RAB5B: variants seen among roughly 807,000 people sequenced by gnomAD.
The protein encoded by RAB5B is ras-related protein Rab-5B.
A neutral mutation model predicts 28.6 loss-of-function variants in RAB5B; 11 were observed. The ratio of observed to expected loss-of-function variants is 0.38; its 90% CI spans 0.24 to 0.64. The LOEUF (loss-of-function observed/expected upper bound fraction) is 0.64. Among genes scored for constraint, RAB5B ranks in the 30% least tolerant of loss-of-function variants. RAB5B has a pLI of 0.53. For missense variants in RAB5B, 169 were observed against 265.6 expected (o/e 0.64, Z 2.53); for synonymous variants, 93 against 97.9 (o/e 0.95, Z 0.29).
In RAB5B at chr12:55,992,150, A is replaced by G. The variant is rs373383204; in HGVS notation, c.586A>G (p.Ser196Gly). 31 of 1,614,194 alleles carry G rather than the reference A, an allele frequency of 1.9e-5. No homozygotes were observed. The highest frequency in any genetic ancestry group is 2.6e-5 in the Non-Finnish European group (31 of 1,180,026). Residue 196 changes from serine (S) to glycine (G), a missense_variant, in exon 6 of 6, where the codon AGC becomes GGC. Coordinates refer to ENST00000360299, the MANE Select transcript of RAB5B (RefSeq NM_002868.4). The stretch of plus-strand genomic sequence containing the variant: ...GAATCTGGGAGGTGCAGCAGGCCGA[A>G]GCCGGGGTGTGGATCTCCATGAACA... ...PQNLGGAAGR[S>G]RGVDLHEQSQ...
intron 1 of RAB5B, among the ~76,000 whole-genome samples, chr12:55,980,064 T>C (rs1448528954): frequency 6.6e-6 from 1 of 152,154 alleles, no homozygotes. Flanking sequence ...GAGCTAGCCC[T>C]TTGCAGGACC....
At chr12:55,984,143 C>T (rs938996101) in intron 1 of RAB5B, among the ~76,000 whole-genome samples, 1 of 151,536 alleles carries the variant, frequency 6.6e-6, no homozygotes, top group Non-Finnish European at 1.5e-5. Flanking sequence ...CTCAGCCTCC[C>T]GAGTAGGATT....
chr12:55,984,711 C>T (rs1209719917), intron 1 of RAB5B, among the ~76,000 whole-genome samples: 3 of 152,192 alleles, frequency 2.0e-5, no homozygotes, highest in East Asian at 1.9e-4. Context: ...AACTTCTGAC[C>T]TCAGGTGATC....
chr12:55,989,819 T>A, intron 2 of RAB5B, 128 bp from the exon 3 acceptor site: 1 of 1,142,940 alleles, frequency 8.7e-7, no homozygotes, highest in South Asian at 1.3e-5. Context: ...CAAAACCTTT[T>A]CCTGTAGCTG....
intron 1 of RAB5B, chr12:55,981,086 G>C: frequency 6.6e-7 from 1 of 1,509,628 alleles, no homozygotes; most frequent in Non-Finnish European, 9.2e-7. Flanking sequence ...TTATTTTTGA[G>C]ACGGAATCGC....
intron 1 of RAB5B, among the ~76,000 whole-genome samples, chr12:55,982,405 A>C (rs1452486662): frequency 6.6e-6 from 1 of 152,170 alleles, no homozygotes; most frequent in African/African-American, 2.4e-5. Flanking sequence ...ATAAGATTAA[A>C]GATCAAAGCT....
intron 1 of RAB5B, chr12:55,980,789 A>ATGG: frequency 6.3e-7 from 1 of 1,578,846 alleles, no homozygotes; most frequent in Non-Finnish European, 8.7e-7. Flanking sequence ...GATAATGCCC[A>ATGG]TGGCTCCACG....
intron 1 of RAB5B, chr12:55,979,473 A>C (rs1227716579): frequency 6.6e-6 from 1 of 152,176 alleles, no homozygotes; most frequent in Non-Finnish European, 1.5e-5. Flanking sequence ...AGGGAGATGA[A>C]GGTATTTACT....
intron 1 of RAB5B, chr12:55,985,563 A>G (rs969274322): frequency 1.2e-5 from 4 of 342,340 alleles, no homozygotes; most frequent in African/African-American, 8.7e-5. Flanking sequence ...TAGAATCTCA[A>G]AGTCCCAACT....
chr12:55,991,849 C>T (rs1890133574), intron 5 of RAB5B: 1 of 459,088 alleles, frequency 2.2e-6, no homozygotes. Flanking sequence ...ATCACTTGAA[C>T]CCGGGAGGTG....
intron 1 of RAB5B, among the ~76,000 whole-genome samples, chr12:55,975,467 A>G (rs556627480): frequency 4.7e-4 from 71 of 152,284 alleles, no homozygotes; most frequent in Non-Finnish European, 8.4e-4. Context: ...AGAAAAAGAT[A>G]CAGAGGTGCA....
Position 55,992,170 on chromosome 12 carries a change from T to G in RAB5B, c.606T>G (p.His202Gln). Residue 202 changes from histidine to glutamine, a missense_variant, in exon 6 of 6, where the codon CAT (histidine) becomes CAG (glutamine). Physicochemically the swap from His to Gln is conservative, Grantham distance 24. Around this residue, in one of 3 missense-constraint regions of RAB5B, gnomAD observed 123 missense variants for 162.4 expected, o/e 0.76. Transcript: ENST00000360299. ...AAGRSRGVDL[H>Q]EQSQQNKSQC... ...GCCGAAGCCGGGGTGTGGATCTCCA[T>G]GAACAGTCCCAGCAGAACAAGAGCC... 1.9e-6 allele frequency: 3 copies of G among 1,614,102 alleles called. No homozygotes were observed. Among genetic ancestry groups the G allele is most frequent in the Non-Finnish European group, 2.5e-6 (3 of 1,180,014 alleles).
At chr12:55,988,659 A>G (rs1890022682) in intron 2 of RAB5B, among the ~76,000 whole-genome samples, 1 of 152,078 alleles carries the variant, frequency 6.6e-6, no homozygotes, top group Non-Finnish European at 1.5e-5. Flanking sequence ...ACATACCACC[A>G]TGCCCGGCTA....
At chr12:55,984,484 G>A (rs899816944) in intron 1 of RAB5B, among the ~76,000 whole-genome samples, 1 of 151,042 alleles carries the variant, frequency 6.6e-6, no homozygotes, top group African/African-American at 2.4e-5. Flanking sequence ...CACTGTGCCC[G>A]CCTTTTATTT....
intron 1 of RAB5B, among the ~76,000 whole-genome samples, chr12:55,976,417 C>T (rs546206040): frequency 1.3e-5 from 2 of 152,126 alleles, no homozygotes; most frequent in Non-Finnish European, 2.9e-5. Flanking sequence ...ACACACACAC[C>T]CCAAGTTGTG....
At chr12:55,979,720 A>G (rs1413096966) in intron 1 of RAB5B, among the ~76,000 whole-genome samples, 1 of 152,102 alleles carries the variant, frequency 6.6e-6, no homozygotes, top group African/African-American at 2.4e-5. Flanking sequence ...GGGTCTTCTT[A>G]ATTTGTTTTT....
At chr12:55,986,050 T>C (rs1889942500) in intron 1 of RAB5B, among the ~76,000 whole-genome samples, 1 of 152,184 alleles carries the variant, frequency 6.6e-6, no homozygotes, top group African/African-American at 2.4e-5. Flanking sequence ...AGACCGGTCA[T>C]ATATAAAGGA....
At position 55,994,818 on chromosome 12, in the gene RAB5B, A is replaced by T. The variant is rs921606610; in HGVS notation, c.*2606A>T. 2.0e-5 allele frequency: 3 copies of T among 152,204 alleles called. No individual in the cohort carries two copies. Among genetic ancestry groups the T allele is most frequent in the Non-Finnish European group, 4.4e-5 (3 of 68,026 alleles). The allele number at this position is 152,204 out of a possible 1,614,324, so 9.4% of individuals were successfully genotyped here. A position where few individuals can be genotyped will look rare whatever the true frequency, so the allele number is the denominator to read the frequency against. On this transcript the variant is annotated 3_prime_UTR_variant, in exon 6 of 6. Transcript: ENST00000360299. ...AGGATACCCAGTAATGTTCTACTGA[A>T]TCAGAAACACACCTTTCCCTGCATC... is the stretch of plus-strand genomic sequence containing the variant.
chr12:55,986,853 C>CTTTTT lies in RAB5B; in HGVS notation c.-92-12_-92-8dup. Reference sequence around the variant, plus strand: ...ATGGACGTATGTTTAATTTTATTCACTTTTTTTTCTTGCAGGAGTGTTGAA... The same window carrying CTTTTT: ...ATGGACGTATGTTTAATTTTATTCACTTTTTTTTTTTTTCTTGCAGGAGTGTTGAA... On this transcript the variant is annotated splice_polypyrimidine_tract_variant and intron_variant, in intron 1 of 5. Coordinates refer to ENST00000360299, the MANE Select transcript of RAB5B (RefSeq NM_002868.4). The CTTTTT allele has an allele frequency of 5.9e-6, 5 of 851,480 alleles. No individual in the cohort carries two copies. Among genetic ancestry groups the CTTTTT allele is most frequent in the South Asian group, 1.5e-5 (1 of 67,504 alleles). The allele number at this position is 851,480 out of a possible 1,614,324, so 52.7% of individuals were successfully genotyped here.
Sources: allele counts gnomAD v4.1 joint callset (sites outside exome capture counted in the v4.1 genomes callset), GRCh38; gene constraint gnomAD v4.1.1; regional missense constraint gnomAD v4.1.1; transcripts MANE v1.5; gene names NCBI Gene and HGNC (gene_info 2026-07-23, HGNC 2026-07-21).